Variants in KCNK2 observed in about 807,000 individuals in gnomAD.
KCNK2 encodes potassium channel subfamily K member 2.
A neutral mutation model predicts 40.5 loss-of-function variants in KCNK2; 21 were observed. That is an observed-to-expected ratio of 0.52 (90% CI 0.37 to 0.75). The LOEUF is 0.75. Ranked by LOEUF, KCNK2 falls within the 30% of genes least tolerant of loss-of-function variation. The pLI is 0.00. For missense variants in KCNK2, 399 were observed against 531.6 expected (o/e 0.75, Z 2.45); for synonymous variants, 191 against 202.2 (o/e 0.94, Z 0.47).
intron 4 of KCNK2, 133 bp from the exon 5 acceptor site, chr1:215,171,864 A>G: frequency 3.8e-6 from 2 of 531,440 alleles, no homozygotes; most frequent in Non-Finnish European, 6.4e-6. Flanking sequence ...ATTTGCTCAT[A>G]ATAGTGTATA....
intron 1 of KCNK2, among the ~76,000 whole-genome samples, chr1:215,020,165 CAATGGGAGCATTCTTTAAGG>C (rs1386631974): frequency 1.3e-5 from 2 of 152,074 alleles, no homozygotes; most frequent in African/African-American, 4.8e-5. Flanking sequence ...TGGATGTTTT[CAATGGGAGCATTCTTTAAGG>C]ATGGCTTTGT....
chr1:215,135,515 A>T (rs1036057704), intron 3 of KCNK2, among the ~76,000 whole-genome samples: 8 of 151,924 alleles, frequency 5.3e-5, no homozygotes, highest in Non-Finnish European at 1.0e-4. Context: ...ACTAATATTT[A>T]AAAAATAAAA....
intron 6 of KCNK2, among the ~76,000 whole-genome samples, chr1:215,227,702 T>C (rs139322020): frequency 1.8e-3 from 276 of 152,250 alleles, no homozygotes; most frequent in African/African-American, 6.4e-3. Context: ...CAAGATTGGT[T>C]AGCAGACCAC....
chr1:215,124,811 G>A, intron 3 of KCNK2, 61 bp downstream of exon 3: 1 of 1,033,172 alleles, frequency 9.7e-7, no homozygotes, highest in East Asian at 2.4e-5. Context: ...AAATCCATTT[G>A]TTTGAATTTT....
chr1:215,076,173 T>G (rs1050415132), intron 1 of KCNK2, among the ~76,000 whole-genome samples: 5 of 152,232 alleles, frequency 3.3e-5, no homozygotes, highest in African/African-American at 1.2e-4. Context: ...ATGAATAAAT[T>G]TTGGCCTTTG....
upstream of KCNK2, among the ~76,000 whole-genome samples, chr1:215,079,323 G>A (rs1659060271): frequency 6.6e-6 from 1 of 152,174 alleles, no homozygotes; most frequent in Non-Finnish European, 1.5e-5. Flanking sequence ...TTGATTCACA[G>A]TTCTTCAGGC....
At chr1:215,065,642 A>T (rs911215314) in intron 1 of KCNK2, among the ~76,000 whole-genome samples, 4 of 152,190 alleles carry the variant, frequency 2.6e-5, no homozygotes, top group African/African-American at 9.7e-5. Flanking sequence ...GATTTTAGGA[A>T]CTTGTTCATG....
chr1:215,052,522 G>A (rs1449921365), intron 1 of KCNK2, among the ~76,000 whole-genome samples: 2 of 152,172 alleles, frequency 1.3e-5, no homozygotes, highest in East Asian at 1.9e-4. Context: ...GTTCTCAACA[G>A]GGGGTGATTT....
At chr1:215,162,643 A>G (rs1384663186) in intron 3 of KCNK2, among the ~76,000 whole-genome samples, 1 of 152,170 alleles carries the variant, frequency 6.6e-6, no homozygotes, top group Non-Finnish European at 1.5e-5. Flanking sequence ...GCATATAGCT[A>G]GCCAGTTTTC....
chr1:215,172,310 A>T (rs536920400), intron 5 of KCNK2, 127 bp downstream of exon 5: 1 of 799,554 alleles, frequency 1.3e-6, no homozygotes, highest in East Asian at 2.5e-5. Flanking sequence ...CAAGTACCAT[A>T]AAGTGGGTGG....
At chr1:215,215,097 T>G (rs1665902411) in intron 6 of KCNK2, among the ~76,000 whole-genome samples, 1 of 152,164 alleles carries the variant, frequency 6.6e-6, no homozygotes, top group South Asian at 2.1e-4. Context: ...GAAACTTTGT[T>G]ATGAACCTTG....
At chr1:215,008,846 A>C (rs529823856) in intron 1 of KCNK2, among the ~76,000 whole-genome samples, 4 of 152,218 alleles carry the variant, frequency 2.6e-5, no homozygotes, top group South Asian at 4.2e-4. Flanking sequence ...AAAATGAGTA[A>C]GGGAATCAGA....
chr1:215,162,195 T>C (rs975909769), intron 3 of KCNK2, among the ~76,000 whole-genome samples: 3 of 152,254 alleles, frequency 2.0e-5, no homozygotes, highest in South Asian at 4.1e-4. Context: ...CTTTCTTTTA[T>C]GTGTTCGTTG....
chr1:215,091,918 G>C (rs917694658), intron 2 of KCNK2, among the ~76,000 whole-genome samples: 5 of 152,190 alleles, frequency 3.3e-5, no homozygotes, highest in African/African-American at 9.7e-5. Context: ...TGGAGAGGTA[G>C]AAGGTGATGT....
At chr1:215,014,611 C>T (rs1382372673) in intron 1 of KCNK2, among the ~76,000 whole-genome samples, 1 of 151,896 alleles carries the variant, frequency 6.6e-6, no homozygotes, top group Non-Finnish European at 1.5e-5. Flanking sequence ...GTTTAATGAA[C>T]TAGGCTCAAA....
chr1:215,054,537 G>A (rs987894789), intron 1 of KCNK2, among the ~76,000 whole-genome samples: 1 of 152,182 alleles, frequency 6.6e-6, no homozygotes, highest in Admixed American at 6.5e-5. Flanking sequence ...TTCTCCGGTA[G>A]GCTGCACTGC....
intron 1 of KCNK2, among the ~76,000 whole-genome samples, chr1:215,023,290 A>C (rs2841603): frequency 0.41 from 62,735 of 152,048 alleles, 14,083 homozygotes; most frequent in South Asian, 0.71. Flanking sequence ...CTTTGGGCTC[A>C]GGCCAGCCCT....
intron 1 of KCNK2, among the ~76,000 whole-genome samples, chr1:215,031,834 A>G (rs1657202914): frequency 1.3e-5 from 2 of 152,062 alleles, no homozygotes; most frequent in African/African-American, 2.4e-5. Context: ...TTTTCTTATT[A>G]TATTTCTTAT....
Position 215,007,049 on chromosome 1 carries a change from GTA to G in KCNK2, c.34+1104_34+1105del, listed in dbSNP as rs1184311265. Among the ~76,000 whole-genome samples, 211 of 103,058 alleles carry G rather than the reference GTA, an allele frequency of 2.0e-3. 4 individuals are homozygous for G. The highest frequency in any genetic ancestry group is 8.5e-3 in the African/African-American group (198 of 23,356). 67.6% of individuals were successfully genotyped at this position (103,058 alleles called of 152,430 possible). On this transcript the variant is annotated intron_variant, in intron 1 of 6. Coordinates refer to the KCNK2 transcript ENST00000391895. Reference sequence around the variant, plus strand: ...TATATATATATATATGTGTGTGTGTGTATATATATATGTGTGTGTGTGTATAT... The same window carrying G: ...TATATATATATATATGTGTGTGTGTGTATATATATGTGTGTGTGTGTATAT...
Sources: allele counts gnomAD v4.1 joint callset (sites outside exome capture counted in the v4.1 genomes callset), GRCh38; gene constraint gnomAD v4.1.1; transcripts MANE v1.5; gene names NCBI Gene and HGNC (gene_info 2026-07-23, HGNC 2026-07-21).